The following AGK variants were observed in gnomAD, a reference collection of about 807,000 sequenced individuals.
AGK encodes acylglycerol kinase.
In AGK, 52 loss-of-function variants were observed where a neutral mutation model predicts 66.4. The ratio of observed to expected loss-of-function variants is 0.78; its 90% confidence interval spans 0.63 to 0.99. The LOEUF is 0.99. Among genes scored for constraint, AGK ranks in the 50% least tolerant of loss-of-function variants. The pLI is 0.00. For missense variants in AGK, 451 were observed against 506.6 expected (o/e 0.89, Z 1.05); for synonymous variants, 182 against 181.1 (o/e 1.00, Z -0.04).
At chr7:141,648,921 A>C (rs1797481581) in intron 13 of AGK, among the ~76,000 whole-genome samples, 1 of 152,172 alleles carries the variant, frequency 6.6e-6, no homozygotes, top group South Asian at 2.1e-4. Context: ...ATGGGCTGAA[A>C]GCTTGGCCTG....
chr7:141,623,576 C>T (rs374689623), intron 9 of AGK, among the ~76,000 whole-genome samples: 2 of 152,208 alleles, frequency 1.3e-5, no homozygotes, highest in Middle Eastern at 3.4e-3. Context: ...GAAGAGGCTG[C>T]AGAAGAAATG....
intron 11 of AGK, among the ~76,000 whole-genome samples, chr7:141,640,126 G>A (rs1038079312): frequency 6.6e-6 from 1 of 152,126 alleles, no homozygotes; most frequent in African/African-American, 2.4e-5. Flanking sequence ...GAAAACAAAT[G>A]CAGGAACTAG....
At chr7:141,599,370 C>T (rs895241470) in intron 4 of AGK, 2 of 151,920 alleles carry the variant, frequency 1.3e-5, no homozygotes, top group African/African-American at 2.4e-5. Context: ...TATTTAGCCT[C>T]GGTGTTATCT....
chr7:141,605,161 G>A lies in AGK; in HGVS notation c.297+3881G>A, dbSNP rs562518977. ...ATTTTTCAGATTATCCAGGTAGCAC[G>A]CATTTCGGTTACTTATGTAAGGACT... On this transcript the variant is annotated intron_variant, in intron 5 of 15. Transcript: ENST00000649286. 2.0e-5 allele frequency among the ~76,000 whole-genome samples: 3 copies of A among 152,018 alleles called. No individual in the cohort carries two copies. In the South Asian group the frequency reaches 6.2e-4, roughly 32 times the overall value.
chr7:141,561,144 C>T (rs1177515757), intron 2 of AGK, among the ~76,000 whole-genome samples: 2 of 152,174 alleles, frequency 1.3e-5, no homozygotes, highest in African/African-American at 4.8e-5. Context: ...TGTATATATA[C>T]CACATTTTCT....
intron 13 of AGK, among the ~76,000 whole-genome samples, chr7:141,646,902 G>T (rs548972936): frequency 1.2e-4 from 19 of 152,320 alleles, no homozygotes; most frequent in South Asian, 4.1e-4. Context: ...TCCCGACCCT[G>T]TTCTAGCTGA....
intron 2 of AGK, among the ~76,000 whole-genome samples, chr7:141,573,015 C>T (rs886119268): frequency 2.0e-5 from 3 of 152,158 alleles, no homozygotes; most frequent in Non-Finnish European, 4.4e-5. Flanking sequence ...TGGGGCCTGG[C>T]GGCTTCATCC....
At chr7:141,631,853 C>T (rs188138166) in intron 9 of AGK, among the ~76,000 whole-genome samples, 77 of 152,304 alleles carry the variant, frequency 5.1e-4, no homozygotes, top group African/African-American at 1.5e-3. Context: ...CTGACCTCTC[C>T]GGCCTCATTT....
chr7:141,614,883 CA>C, intron 7 of AGK, among the ~76,000 whole-genome samples: 1 of 152,202 alleles, frequency 6.6e-6, no homozygotes, highest in Non-Finnish European at 1.5e-5. Flanking sequence ...CACTTTTCTA[CA>C]ATAGCTAGAA....
chr7:141,629,845 T>C (rs536237755), intron 9 of AGK, among the ~76,000 whole-genome samples: 1 of 152,094 alleles, frequency 6.6e-6, no homozygotes, highest in Admixed American at 6.5e-5. Flanking sequence ...TCAGTACTTA[T>C]CTCAGTGCTT....
At chr7:141,649,195 G>A in intron 13 of AGK, 68 bp from the exon 14 acceptor site, 1 of 944,076 alleles carries the variant, frequency 1.1e-6, no homozygotes, top group Admixed American at 1.7e-5. Context: ...CATCAAAGCT[G>A]AGGATGACAA....
intron 2 of AGK, among the ~76,000 whole-genome samples, chr7:141,577,534 T>C (rs1795772538): frequency 6.6e-6 from 1 of 152,140 alleles, no homozygotes; most frequent in Non-Finnish European, 1.5e-5. Context: ...TGGAATTTAT[T>C]GGGCAAAAAG....
chr7:141,609,868 G>A (rs145284428), intron 5 of AGK, among the ~76,000 whole-genome samples: 147 of 152,102 alleles, frequency 9.7e-4, no homozygotes, highest in African/African-American at 3.3e-3. Context: ...CATTTTTATC[G>A]CTCAGGAAAT....
intron 3 of AGK, chr7:141,594,205 C>T (rs1205332628): frequency 2.0e-5 from 3 of 152,104 alleles, no homozygotes; most frequent in African/African-American, 4.8e-5. Context: ...AGGTGATCCC[C>T]GTCCCAAGCC....
chr7:141,616,561 T>C (rs1796704169), intron 8 of AGK, among the ~76,000 whole-genome samples: 1 of 152,154 alleles, frequency 6.6e-6, no homozygotes, highest in Non-Finnish European at 1.5e-5. Context: ...TTAACAATTC[T>C]ATATTTTAAT....
intron 2 of AGK, among the ~76,000 whole-genome samples, chr7:141,569,953 T>C (rs1157959637): frequency 2.0e-5 from 3 of 152,248 alleles, no homozygotes; most frequent in Non-Finnish European, 4.4e-5. Flanking sequence ...AGTCTGGGTT[T>C]AAGTCTTGCC....
chr7:141,652,441 C>T (rs1000309866), intron 15 of AGK: 6 of 174,150 alleles, frequency 3.4e-5, no homozygotes, highest in Non-Finnish European at 6.2e-5. Context: ...TATAGAAAGA[C>T]TATGTATATG....
chr7:141,613,889 G>A (rs946720017), intron 6 of AGK, among the ~76,000 whole-genome samples: 10 of 152,030 alleles, frequency 6.6e-5, no homozygotes, highest in African/African-American at 2.2e-4. Context: ...CATATTTTTA[G>A]TAATACAACT....
At chr7:141,644,501 T>C (rs2117019087) in intron 13 of AGK, among the ~76,000 whole-genome samples, 1 of 152,312 alleles carries the variant, frequency 6.6e-6, no homozygotes, top group African/African-American at 2.4e-5. Flanking sequence ...AAGCAGCACA[T>C]TCAGTGTATG....
Sources: allele counts gnomAD v4.1 joint callset (sites outside exome capture counted in the v4.1 genomes callset), GRCh38; gene constraint gnomAD v4.1.1; transcripts MANE v1.5; gene names NCBI Gene and HGNC (gene_info 2026-07-23, HGNC 2026-07-21).